NRG1: variants seen among roughly 807,000 people sequenced by gnomAD.
NRG1 encodes pro-neuregulin-1, membrane-bound isoform.
Under a neutral mutation model 63.8 loss-of-function variants are expected in NRG1, and 18 were observed. The observed-to-expected ratio is 0.28, with a 90% CI of 0.19 to 0.42. NRG1 has a LOEUF of 0.42. Ranked by LOEUF, NRG1 falls within the 10% of genes least tolerant of loss-of-function variation. The pLI is 1.00. For missense variants in NRG1, 762 were observed against 814.7 expected (o/e 0.94, Z 0.79); for synonymous variants, 302 against 301.3 (o/e 1.00, Z -0.02).
intron 5 of NRG1, among the ~76,000 whole-genome samples, chr8:32,690,938 A>AGTGTGT (rs113081002): frequency 0.039 from 5,158 of 131,112 alleles, 172 homozygotes; most frequent in East Asian, 0.11. Flanking sequence ...TTTCCCTCTC[A>AGTGTGT]GTGTGTGTGT....
At chr8:32,564,437 A>G (rs12682268) in intron 1 of NRG1, among the ~76,000 whole-genome samples, 51,695 of 152,124 alleles carry the variant, frequency 0.34, 9,635 homozygotes, top group East Asian at 0.79. Flanking sequence ...TAACACAGAC[A>G]AAACTTATAA....
At position 32,537,937 on chromosome 8, in the gene NRG1, C is replaced by T. The variant is rs999536099; in HGVS notation, c.38-57891C>T. On this transcript the variant is annotated intron_variant, in intron 1 of 10. Coordinates refer to the NRG1 transcript ENST00000519301. ...CGAGATCTCAGTTCACTGCAACCTC[C>T]GCCTCCTGGGTTCAAGTGATTCTCC... Among the ~76,000 whole-genome samples the T allele has an allele frequency of 2.6e-5, 4 of 152,098 alleles. No homozygotes were observed. In the South Asian group the frequency reaches 6.2e-4, roughly 24 times the overall value.
chr8:31,640,534 C>G lies in NRG1; in HGVS notation c.37+1103C>G, dbSNP rs771177404. The G allele has an allele frequency of 3.1e-6, 5 of 1,611,700 alleles. No homozygotes were observed. Among genetic ancestry groups the G allele is most frequent in the Non-Finnish European group, 4.2e-6 (5 of 1,179,400 alleles). ...GAAGAAGGACTCGCTGCTCACCGTG[C>G]GCCTGGGGACCTGGGGCCACCCCGC... On this transcript the variant is annotated intron_variant, in intron 1 of 10. Coordinates refer to the NRG1 transcript ENST00000519301. The surrounding 1 kb of genome is among the most constrained non-coding windows in gnomAD (Gnocchi z 6.3).
chr8:32,562,035 G>A (rs1314890695), intron 1 of NRG1, among the ~76,000 whole-genome samples: 1 of 152,120 alleles, frequency 6.6e-6, no homozygotes, highest in Non-Finnish European at 1.5e-5. Context: ...CCATTTATGG[G>A]AAGAATGCCA....
chr8:32,644,419 G>T (rs980873935), intron 5 of NRG1, among the ~76,000 whole-genome samples: 1 of 152,098 alleles, frequency 6.6e-6, no homozygotes, highest in African/African-American at 2.4e-5. Context: ...CTCTTTTATT[G>T]CTATAGAGGA....
chr8:32,140,554 C>T (rs1290728406), intron 1 of NRG1, among the ~76,000 whole-genome samples: 1 of 151,876 alleles, frequency 6.6e-6, no homozygotes, highest in Admixed American at 6.6e-5. Flanking sequence ...TCTCAAGCTC[C>T]TGGGTCAAGT....
chr8:32,648,821 C>T (rs1258437025), intron 5 of NRG1, among the ~76,000 whole-genome samples: 1 of 152,332 alleles, frequency 6.6e-6, no homozygotes, highest in Non-Finnish European at 1.5e-5. Flanking sequence ...CTGTTACCCT[C>T]TACCTCTCAG....
At chr8:31,839,954 T>G (rs991299586) in intron 1 of NRG1, among the ~76,000 whole-genome samples, 2 of 152,024 alleles carry the variant, frequency 1.3e-5, no homozygotes, top group Admixed American at 1.3e-4. Flanking sequence ...AGCCACCAGA[T>G]GGGAGCAAAT....
intron 1 of NRG1, among the ~76,000 whole-genome samples, chr8:32,585,777 C>T (rs1361790254): frequency 2.6e-5 from 4 of 152,122 alleles, no homozygotes; most frequent in Admixed American, 6.5e-5. Flanking sequence ...GTCTTTTGCA[C>T]GTGGAATAAG....
chr8:32,135,826 T>C (rs1051580461), intron 1 of NRG1, among the ~76,000 whole-genome samples: 1 of 151,968 alleles, frequency 6.6e-6, no homozygotes, highest in African/African-American at 2.4e-5. Flanking sequence ...ATAGTACTTA[T>C]AGATATGAAA....
chr8:32,039,202 G>T (rs1819540688), intron 1 of NRG1, among the ~76,000 whole-genome samples: 2 of 152,060 alleles, frequency 1.3e-5, no homozygotes, highest in Non-Finnish European at 1.5e-5. Flanking sequence ...TTACTATGAG[G>T]AATAAATCAG....
chr8:32,426,913 CTGTGT>C (rs1563449456), intron 1 of NRG1, among the ~76,000 whole-genome samples: 4 of 152,062 alleles, frequency 2.6e-5, no homozygotes, highest in African/African-American at 4.8e-5. Context: ...CAAAGGTCAT[CTGTGT>C]TTATATTAAC....
At chr8:32,114,806 G>A (rs1832489479) in intron 1 of NRG1, among the ~76,000 whole-genome samples, 1 of 152,140 alleles carries the variant, frequency 6.6e-6, no homozygotes, top group Non-Finnish European at 1.5e-5. Context: ...TCTCATGATG[G>A]TTTTATAGCA....
At chr8:32,031,377 C>G (rs551717301) in intron 1 of NRG1, among the ~76,000 whole-genome samples, 145 of 152,296 alleles carry the variant, frequency 9.5e-4, no homozygotes, top group African/African-American at 3.2e-3. Flanking sequence ...CACAGTCACT[C>G]CAGACTTACT....
At chr8:32,653,132 TG>T (rs922529724) in intron 5 of NRG1, among the ~76,000 whole-genome samples, 71 of 146,688 alleles carry the variant, frequency 4.8e-4, no homozygotes, top group East Asian at 4.3e-3. Context: ...GGTTTTTTTT[TG>T]TTTGTTTGTT....
chr8:32,701,567 T>C (rs191195777), intron 5 of NRG1, among the ~76,000 whole-genome samples: 56 of 152,274 alleles, frequency 3.7e-4, no homozygotes, highest in Non-Finnish European at 6.6e-4. Flanking sequence ...TTTCAAAAGG[T>C]TTCATATCTT....
At chr8:32,263,769 C>G (rs1156531064) in intron 1 of NRG1, among the ~76,000 whole-genome samples, 1 of 152,138 alleles carries the variant, frequency 6.6e-6, no homozygotes, top group Non-Finnish European at 1.5e-5. Flanking sequence ...GTCAATTCTC[C>G]CAGCAGCTGT....
At chr8:32,016,611 A>G (rs976993581) in intron 1 of NRG1, among the ~76,000 whole-genome samples, 1 of 152,182 alleles carries the variant, frequency 6.6e-6, no homozygotes, top group Non-Finnish European at 1.5e-5. Context: ...ATTTGTTAAT[A>G]CTTTCTTAGG....
intron 1 of NRG1, among the ~76,000 whole-genome samples, chr8:32,033,858 T>C (rs981034477): frequency 2.6e-5 from 4 of 152,198 alleles, no homozygotes; most frequent in African/African-American, 9.7e-5. Context: ...GCTGAGACAA[T>C]GGAGTTTTCC....
Sources: gnomAD v4.1 joint callset for allele counts (sites outside exome capture counted in the v4.1 genomes callset) on GRCh38, gnomAD v4.1.1 for gene constraint, Gnocchi (gnomAD v3.1) non-coding constraint, MANE v1.5 for transcripts, NCBI Gene and HGNC (gene_info 2026-07-23, HGNC 2026-07-21) for gene names.